DIAPH3: variants seen among roughly 807,000 people sequenced by gnomAD.
The protein encoded by DIAPH3 is protein diaphanous homolog 3.
In DIAPH3, 117 loss-of-function variants were observed where a neutral mutation model predicts 144.3. The ratio of observed to expected loss-of-function variants is 0.81; its 90% CI spans 0.70 to 0.95. The LOEUF (loss-of-function observed/expected upper bound fraction) is 0.95. DIAPH3 is among the 40% of genes least tolerant of loss of function. DIAPH3 has a pLI of 0.00. For synonymous variants in DIAPH3, 519 were observed against 488.9 expected, an observed-to-expected ratio of 1.06 and a Z score of -0.81; for missense variants, 1,421 against 1,412.7, an observed-to-expected ratio of 1.01 and a Z score of -0.09.
At chr13:60,043,975 A>C (rs1025435282) in intron 4 of DIAPH3, among the ~76,000 whole-genome samples, 4 of 152,182 alleles carry the variant, frequency 2.6e-5, no homozygotes, top group African/African-American at 9.6e-5. Context: ...TTAAATAAAA[A>C]GTCTGAAGGA....
At chr13:59,864,629 A>C (rs2043807561) in intron 21 of DIAPH3, among the ~76,000 whole-genome samples, 1 of 152,068 alleles carries the variant, frequency 6.6e-6, no homozygotes, top group Admixed American at 6.6e-5. Context: ...CTTTATTTGT[A>C]AGCAATGAGA....
intron 17 of DIAPH3, among the ~76,000 whole-genome samples, chr13:59,957,927 G>GA (rs1008454355): frequency 1.3e-5 from 2 of 152,072 alleles, no homozygotes; most frequent in Admixed American, 6.6e-5. Flanking sequence ...GTGAAACCCT[G>GA]AAAAATAATT....
intron 7 of DIAPH3, among the ~76,000 whole-genome samples, chr13:60,013,737 T>C (rs947152530): frequency 1.3e-5 from 2 of 152,150 alleles, no homozygotes; most frequent in African/African-American, 2.4e-5. Flanking sequence ...ATTCAATGAA[T>C]GCTAATAAAG....
At chr13:60,097,459 T>G (rs146236323) in intron 3 of DIAPH3, among the ~76,000 whole-genome samples, 9 of 152,316 alleles carry the variant, frequency 5.9e-5, no homozygotes, top group Admixed American at 5.2e-4. Flanking sequence ...CACACCAGCT[T>G]TTTCTTGTCT....
intron 1 of DIAPH3, among the ~76,000 whole-genome samples, chr13:60,141,435 C>T (rs993882659): frequency 2.6e-5 from 4 of 152,130 alleles, no homozygotes; most frequent in Non-Finnish European, 5.9e-5. Flanking sequence ...AACCAAAATG[C>T]TTCATAATAA....
intron 1 of DIAPH3, among the ~76,000 whole-genome samples, chr13:60,148,562 G>A (rs535928828): frequency 3.9e-5 from 6 of 152,210 alleles, no homozygotes; most frequent in Admixed American, 6.5e-5. Flanking sequence ...CTAGAAGCAC[G>A]TATAAAGTAA....
At chr13:60,109,857 G>A (rs1328582672) in intron 3 of DIAPH3, among the ~76,000 whole-genome samples, 1 of 152,180 alleles carries the variant, frequency 6.6e-6, no homozygotes, top group South Asian at 2.1e-4. Flanking sequence ...ATGTAGTGAT[G>A]AACACAACTA....
chr13:59,971,746 A>G (rs1489224727), intron 15 of DIAPH3, among the ~76,000 whole-genome samples: 1 of 152,210 alleles, frequency 6.6e-6, no homozygotes, highest in African/African-American at 2.4e-5. Flanking sequence ...GTATATCATG[A>G]TCTAGTCCCT....
chr13:60,156,890 C>G (rs925879226), intron 1 of DIAPH3, among the ~76,000 whole-genome samples: 2 of 134,414 alleles, frequency 1.5e-5, no homozygotes, highest in Non-Finnish European at 3.1e-5. Flanking sequence ...TTAACCTAAC[C>G]TATAGTGGCC....
chr13:60,021,885 GTC>G (rs1308147345), intron 5 of DIAPH3, among the ~76,000 whole-genome samples: 1 of 152,050 alleles, frequency 6.6e-6, no homozygotes, highest in Admixed American at 6.5e-5. Context: ...ATTGAGTTGA[GTC>G]TCTTATTCAT....
intron 1 of DIAPH3, among the ~76,000 whole-genome samples, chr13:60,140,259 C>A (rs188121259): frequency 2.0e-5 from 3 of 152,234 alleles, no homozygotes; most frequent in African/African-American, 7.2e-5. Context: ...TTTGGTTAAA[C>A]CATTTTAGGA....
At chr13:59,937,319 A>C (rs371894360) in intron 17 of DIAPH3, among the ~76,000 whole-genome samples, 1 of 152,262 alleles carries the variant, frequency 6.6e-6, no homozygotes, top group African/African-American at 2.4e-5. Flanking sequence ...TATACAAAAG[A>C]AAGTACAAGA....
Position 59,666,472 on chromosome 13 carries a change from A to G in DIAPH3, c.*112T>C, listed in dbSNP as rs1192894686. On this transcript the variant is annotated 3_prime_UTR_variant, in exon 28 of 28. Coordinates refer to ENST00000400324, the MANE Select transcript of DIAPH3 (RefSeq NM_001042517.2). ...TAGCTTTATTTTTCTAATATATATC[A>G]TAATTTAAAACTATATAAAGTCACT... The G allele has an allele frequency of 4.1e-6, 5 of 1,226,090 alleles. No homozygotes were observed. The Admixed American group carries it at 1.3e-4, about 33-fold the overall frequency. 76.0% of individuals were successfully genotyped at this position (1,226,090 alleles called of 1,614,324 possible). A position where few individuals can be genotyped will look rare whatever the true frequency, so the allele number is the denominator to read the frequency against.
chr13:60,085,245 C>T (rs1049737640), intron 4 of DIAPH3, among the ~76,000 whole-genome samples: 1 of 152,078 alleles, frequency 6.6e-6, no homozygotes, highest in Non-Finnish European at 1.5e-5. Flanking sequence ...TTAGCAGCTA[C>T]TAGTATGTAT....
rs2032016761 is a variant in DIAPH3 at position 59,666,502 on chromosome 13, T to C, written c.*82A>G. On this transcript the variant is annotated 3_prime_UTR_variant, in exon 28 of 28. Transcript: ENST00000400324. ...TTAAAACTATATAAAGTCACTTACA[T>C]AAAAGCAATTTTTTCAAGTGTTATA... 7.1e-6 allele frequency: 11 copies of C among 1,540,358 alleles called. No individual in the cohort carries two copies. In the South Asian group the frequency reaches 1.2e-4, roughly 17 times the overall value.
chr13:60,111,376 C>T (rs1470394502), intron 3 of DIAPH3, among the ~76,000 whole-genome samples: 2 of 152,168 alleles, frequency 1.3e-5, no homozygotes, highest in Non-Finnish European at 2.9e-5. Flanking sequence ...CAGCCCATAA[C>T]AATGCAAACA....
intron 5 of DIAPH3, among the ~76,000 whole-genome samples, chr13:60,035,399 G>A (rs2055135532): frequency 6.6e-6 from 1 of 152,132 alleles, no homozygotes; most frequent in Non-Finnish European, 1.5e-5. Context: ...CCTACCCCTA[G>A]GGAACATTCA....
At chr13:59,802,667 A>ATTATTATTATTTT (rs1433627853) in intron 25 of DIAPH3, among the ~76,000 whole-genome samples, 17 of 23,770 alleles carry the variant, frequency 7.2e-4, no homozygotes, top group African/African-American at 1.8e-3. Flanking sequence ...TATTATTATT[A>ATTATTATTATTTT]TTTTTTTTTT....
chr13:59,762,573 T>C (rs971208616), intron 27 of DIAPH3, among the ~76,000 whole-genome samples: 3 of 152,186 alleles, frequency 2.0e-5, no homozygotes, highest in Non-Finnish European at 4.4e-5. Flanking sequence ...ACCATAATCA[T>C]ATATCACTTG....
Sources: allele counts gnomAD v4.1 joint callset (sites outside exome capture counted in the v4.1 genomes callset), GRCh38; gene constraint gnomAD v4.1.1; transcripts MANE v1.5; gene names NCBI Gene and HGNC (gene_info 2026-07-23, HGNC 2026-07-21).